RBFOX2: variants seen among roughly 807,000 people sequenced by gnomAD.
RBFOX2 encodes RNA binding protein fox-1 homolog 2.
A neutral mutation model predicts 49.1 loss-of-function variants in RBFOX2; 10 were observed. The observed-to-expected ratio is 0.20, with a 90% CI of 0.13 to 0.35. RBFOX2 has a LOEUF of 0.35. RBFOX2 is among the 10% of genes least tolerant of loss of function. The pLI is 1.00. For missense variants in RBFOX2, 323 were observed against 486.9 expected (o/e 0.66, Z 3.17); for synonymous variants, 183 against 187.4 (o/e 0.98, Z 0.19).
chr22:35,939,136 C>G, upstream of RBFOX2: 1 of 672,128 alleles, frequency 1.5e-6, no homozygotes, highest in Non-Finnish European at 2.7e-6. Flanking sequence ...CCTTATGCAG[C>G]TAAATCTGTT....
At chr22:35,842,424 A>G (rs1289756576), upstream of RBFOX2, among the ~76,000 whole-genome samples, 1 of 152,200 alleles carries the variant, frequency 6.6e-6, no homozygotes, top group Non-Finnish European at 1.5e-5. Context: ...TGCAACTGAA[A>G]AGCCAATCAG....
chr22:35,740,500 T>C (rs951581873), exon 12 of RBFOX2: 2 of 152,612 alleles, frequency 1.3e-5, no homozygotes, highest in Admixed American at 1.3e-4. Flanking sequence ...AGGTAACTTA[T>C]GCTTTTAAAA....
At chr22:35,958,319 AC>A (rs1417168866) in intron 1 of RBFOX2, among the ~76,000 whole-genome samples, 2 of 152,302 alleles carry the variant, frequency 1.3e-5, no homozygotes, top group East Asian at 3.9e-4. Context: ...TCATGTCTAC[AC>A]CTTGCAAGGA....
intron 1 of RBFOX2, among the ~76,000 whole-genome samples, chr22:35,928,415 A>G (rs904971571): frequency 1.6e-4 from 25 of 152,184 alleles, no homozygotes; most frequent in Non-Finnish European, 2.5e-4. Flanking sequence ...TCTTCATCAC[A>G]TGAAGAGCTT....
In RBFOX2 at chr22:35,749,758, T is replaced by C. The variant is rs1222481586; in HGVS notation, c.888-3197A>G. On this transcript the variant is annotated intron_variant, in intron 9 of 11. Coordinates refer to ENST00000405409, the Ensembl canonical transcript of RBFOX2. This position sits in a 1 kb window ranked among gnomAD's most constrained non-coding sequence, Gnocchi z 4.1. The stretch of plus-strand genomic sequence containing the variant: ...TTTGAAACACCAAGGTTTTCATTAC[T>C]GTTTCTTAAGTTTTTCAAAAAGAAC... 6.6e-6 allele frequency among the ~76,000 whole-genome samples: 1 copy of C among 152,200 alleles called. No homozygotes were observed. The highest frequency in any genetic ancestry group is 1.5e-5 in the Non-Finnish European group (1 of 68,038).
chr22:35,903,514 C>T (rs1779401249), intron 1 of RBFOX2, among the ~76,000 whole-genome samples: 1 of 152,108 alleles, frequency 6.6e-6, no homozygotes, highest in Admixed American at 6.5e-5. Flanking sequence ...CAAATACCAT[C>T]AACATGTTAA....
intron 1 of RBFOX2, among the ~76,000 whole-genome samples, chr22:35,933,953 T>TATATAC (rs1009021083): frequency 0.022 from 3,113 of 140,964 alleles, 165 homozygotes; most frequent in African/African-American, 0.076. Context: ...TATATATATA[T>TATATAC]ACACACATCA....
At chr22:36,015,333 T>C (rs1382142028) in intron 1 of RBFOX2, among the ~76,000 whole-genome samples, 1 of 152,216 alleles carries the variant, frequency 6.6e-6, no homozygotes, top group Non-Finnish European at 1.5e-5. Flanking sequence ...GTACTCTGCA[T>C]TCTTTTAAAC....
At chr22:35,900,347 C>T (rs546863630) in intron 1 of RBFOX2, among the ~76,000 whole-genome samples, 1 of 151,672 alleles carries the variant, frequency 6.6e-6, no homozygotes, top group Non-Finnish European at 1.5e-5. Context: ...TTGTTTTATA[C>T]GAGTTTCTCT....
intron 1 of RBFOX2, among the ~76,000 whole-genome samples, chr22:35,913,303 C>T (rs2050030551): frequency 6.6e-6 from 1 of 151,962 alleles, no homozygotes; most frequent in African/African-American, 2.4e-5. Flanking sequence ...CATAGTGAGA[C>T]TCTGTCTCTA....
At chr22:35,883,726 T>G (rs1486073393) in intron 1 of RBFOX2, among the ~76,000 whole-genome samples, 1 of 152,206 alleles carries the variant, frequency 6.6e-6, no homozygotes, top group Non-Finnish European at 1.5e-5. Flanking sequence ...GATCTCTCAG[T>G]TCATGAAACA....
chr22:35,804,314 G>A (rs1020276781), intron 2 of RBFOX2, among the ~76,000 whole-genome samples: 2 of 151,840 alleles, frequency 1.3e-5, no homozygotes, highest in Non-Finnish European at 2.9e-5. Context: ...AGAGGCCCAG[G>A]AAGAGAGAAG....
In RBFOX2 at chr22:35,954,063, C is replaced by T. The variant is rs540055359; in HGVS notation, c.42+7500G>A. ...TTTCCTCATATTCAGGCATATATAA[C>T]ACACAATATATATGTTTTTTTATGT... On this transcript the variant is annotated intron_variant, in intron 1 of 5. Coordinates refer to the RBFOX2 transcript ENST00000408983. 3.3e-5 allele frequency among the ~76,000 whole-genome samples: 5 copies of T among 152,146 alleles called. No homozygotes were observed. In the East Asian group the frequency reaches 9.7e-4, roughly 29 times the overall value.
chr22:35,909,308 GA>G (rs2049498026), intron 1 of RBFOX2, among the ~76,000 whole-genome samples: 1 of 151,990 alleles, frequency 6.6e-6, no homozygotes, highest in Non-Finnish European at 1.5e-5. Context: ...ATATATATAT[GA>G]AAAAATATAC....
upstream of RBFOX2, among the ~76,000 whole-genome samples, chr22:35,841,882 G>A (rs1466323609): frequency 4.6e-5 from 7 of 152,082 alleles, no homozygotes; most frequent in Non-Finnish European, 1.0e-4. Flanking sequence ...GCAACATGCA[G>A]TACCAGGCTT....
chr22:35,833,256 A>G (rs1251051805), intron 1 of RBFOX2, among the ~76,000 whole-genome samples: 4 of 152,368 alleles, frequency 2.6e-5, no homozygotes, highest in African/African-American at 9.6e-5. Flanking sequence ...GCAAGGCAAC[A>G]GAAGATTAAA....
At chr22:35,958,919 C>T (rs960967807) in intron 1 of RBFOX2, among the ~76,000 whole-genome samples, 4 of 151,872 alleles carry the variant, frequency 2.6e-5, no homozygotes, top group South Asian at 2.1e-4. Context: ...TAATAGTCTC[C>T]ATTAAGTAAA....
intron 1 of RBFOX2, among the ~76,000 whole-genome samples, chr22:35,890,675 T>C (rs539760187): frequency 1.9e-4 from 29 of 152,276 alleles, no homozygotes; most frequent in African/African-American, 6.7e-4. Context: ...CTCTGACAAT[T>C]GCAAACTGTG....
intron 1 of RBFOX2, among the ~76,000 whole-genome samples, chr22:36,005,257 T>C (rs1320703625): frequency 6.6e-6 from 1 of 152,232 alleles, no homozygotes; most frequent in East Asian, 1.9e-4. Context: ...ATCAGTGGCA[T>C]ACACTGCTGC....
Sources: gnomAD v4.1 joint callset for allele counts (sites outside exome capture counted in the v4.1 genomes callset) on GRCh38, gnomAD v4.1.1 for gene constraint, Gnocchi (gnomAD v3.1) non-coding constraint, MANE v1.5 for transcripts, NCBI Gene and HGNC (gene_info 2026-07-23, HGNC 2026-07-21) for gene names.